The following GRIP1 variants were observed in gnomAD, a reference collection of about 807,000 sequenced individuals.
The protein encoded by GRIP1 is glutamate receptor interacting protein 1.
A neutral mutation model predicts 129.9 loss-of-function variants in GRIP1; 45 were observed. That is an observed-to-expected ratio of 0.35 (90% confidence interval 0.27 to 0.44). The LOEUF (loss-of-function observed/expected upper bound fraction) is 0.44, where lower values mean the gene tolerates loss of function less well. Ranked by LOEUF, GRIP1 falls within the 20% of genes least tolerant of loss-of-function variation. The probability of loss-of-function intolerance (pLI) is 1.00; values close to 1 mark genes in which losing one functional copy is unlikely to be tolerated. For synonymous variants in GRIP1, 530 were observed against 520.8 expected, an observed-to-expected ratio of 1.02 and a Z score of -0.24; for missense variants, 1,196 against 1,396.8, an observed-to-expected ratio of 0.86 and a Z score of 2.29.
intron 1 of GRIP1, among the ~76,000 whole-genome samples, chr12:66,606,146 G>T (rs533035534): frequency 2.0e-5 from 3 of 152,248 alleles, no homozygotes; most frequent in Non-Finnish European, 2.9e-5. Flanking sequence ...GGGAAACCAA[G>T]ATTTTTCCAG....
chr12:66,972,530 T>G (rs779594380), intron 1 of GRIP1, among the ~76,000 whole-genome samples: 1 of 152,200 alleles, frequency 6.6e-6, no homozygotes, highest in African/African-American at 2.4e-5. Flanking sequence ...AAGCTGAATT[T>G]TTTATTTTAT....
chr12:66,757,401 A>G (rs1347709155), intron 1 of GRIP1, among the ~76,000 whole-genome samples: 1 of 152,238 alleles, frequency 6.6e-6, no homozygotes, highest in Middle Eastern at 3.4e-3. Context: ...TGTTATTGCA[A>G]ATAATAAGAT....
chr12:66,640,027 T>C (rs963356527), intron 1 of GRIP1, among the ~76,000 whole-genome samples: 2 of 152,208 alleles, frequency 1.3e-5, no homozygotes, highest in African/African-American at 4.8e-5. Flanking sequence ...CCTTTCTTTC[T>C]GGCCTGATAT....
intron 1 of GRIP1, among the ~76,000 whole-genome samples, chr12:66,927,190 T>C (rs538652069): frequency 8.5e-5 from 13 of 152,340 alleles, no homozygotes; most frequent in Non-Finnish European, 1.9e-4. Context: ...GCCATCCAAG[T>C]ATTCAAGCCT....
At chr12:66,914,082 C>G (rs776737214) in intron 1 of GRIP1, among the ~76,000 whole-genome samples, 2 of 152,118 alleles carry the variant, frequency 1.3e-5, no homozygotes, top group Admixed American at 6.5e-5. Flanking sequence ...GCTCTACAGA[C>G]TACAGAAGGA....
chr12:66,670,105 C>G (rs1408862974), intron 1 of GRIP1, among the ~76,000 whole-genome samples: 1 of 152,216 alleles, frequency 6.6e-6, no homozygotes, highest in East Asian at 1.9e-4. Flanking sequence ...GCATGAGTAG[C>G]TATGTCCATT....
chr12:66,735,632 G>T (rs1292233630), intron 1 of GRIP1, among the ~76,000 whole-genome samples: 2 of 152,082 alleles, frequency 1.3e-5, no homozygotes, highest in African/African-American at 4.8e-5. Flanking sequence ...AAAAGAAATG[G>T]AGGTGACAAG....
chr12:66,979,496 C>T, intron 1 of GRIP1, among the ~76,000 whole-genome samples: 1 of 152,112 alleles, frequency 6.6e-6, no homozygotes, highest in East Asian at 1.9e-4. Context: ...CTCAACCCCT[C>T]TGAGGGCTCC....
At chr12:66,975,014 GA>G (rs1295219199) in intron 1 of GRIP1, among the ~76,000 whole-genome samples, 5 of 152,134 alleles carry the variant, frequency 3.3e-5, no homozygotes, top group Non-Finnish European at 7.3e-5. Flanking sequence ...GACATTTTTG[GA>G]ATCTGGGGGG....
intron 2 of GRIP1, among the ~76,000 whole-genome samples, chr12:66,574,020 C>A (rs1013961543): frequency 2.2e-4 from 33 of 152,050 alleles, no homozygotes; most frequent in Non-Finnish European, 1.3e-4. Flanking sequence ...TTTTTTCCCC[C>A]AAATCCTCTA....
At chr12:66,604,858 C>G (rs2064439545) in intron 1 of GRIP1, among the ~76,000 whole-genome samples, 1 of 152,068 alleles carries the variant, frequency 6.6e-6, no homozygotes, top group Non-Finnish European at 1.5e-5. Context: ...CACTATTCTT[C>G]AGGAAAAAGT....
At position 66,514,655 on chromosome 12, in the gene GRIP1, T is replaced by C. The variant is rs573229895; in HGVS notation, c.724+964A>G. On this transcript the variant is annotated intron_variant, in intron 7 of 24. Transcript: ENST00000359742. ...TGTCAAGGGCATACCACATCATTTATCCTTCTAAAAACTCCTTAAGTTTCA... is the reference window on the plus strand; with the variant it reads ...TGTCAAGGGCATACCACATCATTTACCCTTCTAAAAACTCCTTAAGTTTCA... 3.9e-5 allele frequency among the ~76,000 whole-genome samples: 6 copies of C among 152,248 alleles called. No individual in the cohort carries two copies. The South Asian group carries it at 1.2e-3, about 32-fold the overall frequency.
intron 1 of GRIP1, among the ~76,000 whole-genome samples, chr12:66,938,395 A>C (rs2041522924): frequency 6.6e-6 from 1 of 152,186 alleles, no homozygotes; most frequent in South Asian, 2.1e-4. Context: ...TAATGATAAT[A>C]ATAATTTTTG....
rs544909036 is a variant in GRIP1 at position 66,690,720 on chromosome 12, T to A, written c.-419-60384A>T. 3.0e-3 allele frequency among the ~76,000 whole-genome samples: 451 copies of A among 148,630 alleles called. 1 individual carries two copies. The highest frequency in any genetic ancestry group is 0.01 in the African/African-American group (425 of 40,590). On this transcript the variant is annotated intron_variant, in intron 1 of 4. Coordinates refer to the GRIP1 transcript ENST00000538373. ...GTCTCTAATAAAAATTAAAAAAAAA[T>A]TTTTTCAAAAAATTTTTTTTAATTT... is the stretch of plus-strand genomic sequence containing the variant.
chr12:66,421,663 C>CTTTTT (rs11380847), intron 14 of GRIP1, among the ~76,000 whole-genome samples: 1 of 142,518 alleles, frequency 7.0e-6, no homozygotes, highest in Non-Finnish European at 1.5e-5. Context: ...TGGAATGTGA[C>CTTTTT]TTTTTTTTTT....
At chr12:67,036,331 G>T in intron 1 of GRIP1, among the ~76,000 whole-genome samples, 1 of 145,344 alleles carries the variant, frequency 6.9e-6, no homozygotes, top group African/African-American at 2.5e-5. Context: ...ACAGAATAAG[G>T]ATGTCTTTTT....
At chr12:66,632,600 T>C (rs1200892976) in intron 1 of GRIP1, among the ~76,000 whole-genome samples, 1 of 152,184 alleles carries the variant, frequency 6.6e-6, no homozygotes, top group Non-Finnish European at 1.5e-5. Flanking sequence ...TATAGACACA[T>C]TTGGTCAGGT....
In GRIP1 at chr12:67,000,285, TCA is replaced by T. The variant is rs546550066; in HGVS notation, c.58+68763_58+68764del. 3.0e-3 allele frequency among the ~76,000 whole-genome samples: 454 copies of T among 152,266 alleles called. 3 individuals are homozygous for T. The highest frequency in any genetic ancestry group is 4.1e-3 in the South Asian group (20 of 4,830). On this transcript the variant is annotated intron_variant, in intron 1 of 1. Transcript: ENST00000643019. ...ATATCACATAATATCTAGGACCATA[TCA>T]CATAAAAATCAAAGAATACCATGTT...
chr12:66,422,695 A>G (rs1397658459), intron 14 of GRIP1, among the ~76,000 whole-genome samples: 4 of 152,234 alleles, frequency 2.6e-5, no homozygotes, highest in African/African-American at 9.6e-5. Context: ...ATATAGCACT[A>G]TAAGGTCTTG....
Sources: allele counts gnomAD v4.1 joint callset (sites outside exome capture counted in the v4.1 genomes callset), GRCh38; gene constraint gnomAD v4.1.1; transcripts MANE v1.5; gene names NCBI Gene and HGNC (gene_info 2026-07-23, HGNC 2026-07-21).